VPS8: variants seen among roughly 807,000 people sequenced by gnomAD.
The protein encoded by VPS8 is VPS8 subunit of CORVET complex, also known as vacuolar protein sorting-associated protein 8 homolog.
A neutral mutation model predicts 216.4 loss-of-function variants in VPS8; 129 were observed. That is an observed-to-expected ratio of 0.60 (90% CI 0.52 to 0.69). The LOEUF (loss-of-function observed/expected upper bound fraction) is 0.69. Among genes scored for constraint, VPS8 ranks in the 30% least tolerant of loss-of-function variants. The pLI is 0.00. For missense variants in VPS8, 1,531 were observed against 1,683.5 expected (o/e 0.91, Z 1.59); for synonymous variants, 571 against 565.4 (o/e 1.01, Z -0.14).
chr3:184,885,772 T>C (rs766893388), intron 21 of VPS8, among the ~76,000 whole-genome samples: 7 of 152,258 alleles, frequency 4.6e-5, no homozygotes, highest in Non-Finnish European at 1.0e-4. Flanking sequence ...TTTTCCCATG[T>C]TGTTGAATGT....
chr3:184,832,725 C>G lies in VPS8; in HGVS notation c.259C>G (p.Pro87Ala), dbSNP rs1305461832. ...DEDESFILED[P>A]TLLNIDTIDS... ...AGATGAGTCTTTTATTCTTGAGGATCCTACATTGTTAAACATTGATACTAT... is the reference window on the plus strand; with the variant it reads ...AGATGAGTCTTTTATTCTTGAGGATGCTACATTGTTAAACATTGATACTAT... The change falls in exon 4 of 48, where the codon CCT becomes GCT. Residue 87 changes from proline to alanine, a missense_variant. By Grantham distance (27) the Pro-to-Ala change is conservative (BLOSUM62 -1). Transcript: ENST00000625842. 1 of 1,606,316 alleles carries G rather than the reference C, an allele frequency of 6.2e-7. No individual in the cohort carries two copies. The highest frequency in any genetic ancestry group is 1.3e-5 in the African/African-American group (1 of 74,798).
chr3:184,854,080 A>T, intron 12 of VPS8, 34 bp from the exon 13 acceptor site: 1 of 1,612,824 alleles, frequency 6.2e-7, no homozygotes. Flanking sequence ...GAAAATTCCA[A>T]GGTCAATATT....
intron 5 of VPS8, among the ~76,000 whole-genome samples, chr3:184,835,552 A>G (rs1185352229): frequency 6.6e-6 from 1 of 152,102 alleles, no homozygotes; most frequent in African/African-American, 2.4e-5. Context: ...GTAGTCTTTC[A>G]ATTTTGGTTT....
In VPS8 at chr3:185,017,911, T is replaced by C. The variant is rs1167717006; in HGVS notation, c.4003-6425T>C. Among the ~76,000 whole-genome samples the C allele has an allele frequency of 2.0e-5, 3 of 150,670 alleles. No homozygotes were observed. In the East Asian group the frequency reaches 5.8e-4, roughly 29 times the overall value. On this transcript the variant is annotated intron_variant, in intron 45 of 47. Coordinates refer to ENST00000625842, the MANE Select transcript of VPS8 (RefSeq NM_001009921.3). The stretch of plus-strand genomic sequence containing the variant: ...GAGTGACACTGATTAGCCCAGTGTT[T>C]TCCTTTTTTACATTTTGGACATATT...
intron 45 of VPS8, among the ~76,000 whole-genome samples, chr3:185,020,156 TA>T (rs1188762172): frequency 6.6e-6 from 1 of 152,122 alleles, no homozygotes; most frequent in Non-Finnish European, 1.5e-5. Context: ...TCTTAAAAAA[TA>T]ATTTTTAAAA....
intron 16 of VPS8, among the ~76,000 whole-genome samples, chr3:184,865,888 G>C (rs1727256069): frequency 6.6e-6 from 1 of 151,854 alleles, no homozygotes; most frequent in African/African-American, 2.4e-5. Flanking sequence ...CTCGGGAGGT[G>C]GAGGCAGGAG....
intron 4 of VPS8, among the ~76,000 whole-genome samples, chr3:184,833,520 A>AT (rs1720446062): frequency 6.6e-6 from 1 of 152,118 alleles, no homozygotes; most frequent in African/African-American, 2.4e-5. Context: ...CTTCAAATAG[A>AT]TAACTTAAAT....
chr3:184,943,999 G>A (rs1322792915), intron 36 of VPS8, among the ~76,000 whole-genome samples: 1 of 152,162 alleles, frequency 6.6e-6, no homozygotes, highest in African/African-American at 2.4e-5. Flanking sequence ...CTACTCAGGA[G>A]GCTGAGGCAG....
rs766114230 is a variant in VPS8, at chr3:184,824,585, CAAA to C, written c.-44_-42del. The C allele has an allele frequency of 5.1e-6, 8 of 1,568,924 alleles. No homozygotes were observed. The highest frequency in any genetic ancestry group is 6.9e-6 in the Non-Finnish European group (8 of 1,155,522). On this transcript the variant is annotated 5_prime_UTR_variant, in exon 2 of 48. Transcript: ENST00000625842. The stretch of plus-strand genomic sequence containing the variant: ...TCTTCGTGAGCTAAGGCCAAACAAA[CAAA>C]AAACACTTGCTTTGATGGACTGAAT...
intron 21 of VPS8, among the ~76,000 whole-genome samples, chr3:184,877,165 C>T (rs1424690414): frequency 6.6e-6 from 1 of 152,188 alleles, no homozygotes; most frequent in African/African-American, 2.4e-5. Context: ...GCTCAACTAG[C>T]TCTGTTTATT....
intron 45 of VPS8, among the ~76,000 whole-genome samples, chr3:185,002,668 G>A (rs921669722): frequency 2.6e-5 from 4 of 152,092 alleles, no homozygotes; most frequent in African/African-American, 9.7e-5. Flanking sequence ...GCATTCCATA[G>A]TTAAGCTCCC....
intron 39 of VPS8, 27 bp from the exon 40 acceptor site, chr3:184,971,622 T>C: frequency 6.4e-7 from 1 of 1,570,550 alleles, no homozygotes; most frequent in Non-Finnish European, 8.7e-7. Context: ...TATCCTTAAA[T>C]GATGTTTACA....
intron 40 of VPS8, among the ~76,000 whole-genome samples, chr3:184,981,994 T>C (rs1750284687): frequency 6.6e-6 from 1 of 152,160 alleles, no homozygotes. Flanking sequence ...TGGTTGATCA[T>C]GTTAACTGAT....
rs986448602 is a variant in VPS8 at position 184,933,494 on chromosome 3, C to G, written c.2899-2752C>G. ...AATATATATTGCAAATATCTTCTCCCATCTCCCATTCTGTGGCTTTTCCTT... is the reference window on the plus strand; with the variant it reads ...AATATATATTGCAAATATCTTCTCCGATCTCCCATTCTGTGGCTTTTCCTT... On this transcript the variant is annotated intron_variant, in intron 34 of 47. Transcript: ENST00000625842. Among the ~76,000 whole-genome samples, 3 of 151,818 alleles carry G rather than the reference C, an allele frequency of 2.0e-5. No homozygotes were observed. The South Asian group carries it at 6.3e-4, about 32-fold the overall frequency.
intron 22 of VPS8, chr3:184,893,184 G>T: frequency 1.9e-6 from 2 of 1,046,740 alleles, no homozygotes; most frequent in Non-Finnish European, 2.4e-6. Flanking sequence ...GGGTGGTGTG[G>T]AGTTCTGGTG....
chr3:184,871,264 A>C (rs761124075), intron 21 of VPS8, among the ~76,000 whole-genome samples: 1 of 151,120 alleles, frequency 6.6e-6, no homozygotes, highest in Non-Finnish European at 1.5e-5. Flanking sequence ...CCTTTAGTTT[A>C]TCTTGGAACT....
chr3:184,995,097 G>T (rs1244118089), intron 43 of VPS8, among the ~76,000 whole-genome samples: 1 of 152,172 alleles, frequency 6.6e-6, no homozygotes, highest in Non-Finnish European at 1.5e-5. Flanking sequence ...TTTGGGTGGG[G>T]ACACAGCCAA....
intron 40 of VPS8, among the ~76,000 whole-genome samples, chr3:184,976,306 C>T (rs1476121627): frequency 1.3e-5 from 2 of 151,914 alleles, no homozygotes; most frequent in African/African-American, 4.8e-5. Flanking sequence ...GTAGATCATA[C>T]CAGTCTTTTT....
intron 14 of VPS8, among the ~76,000 whole-genome samples, chr3:184,858,098 A>G (rs938776674): frequency 2.0e-5 from 3 of 152,218 alleles, no homozygotes; most frequent in African/African-American, 4.8e-5. Context: ...AAGAAAGCCC[A>G]GGTTGAATTG....
Sources: allele counts gnomAD v4.1 joint callset (sites outside exome capture counted in the v4.1 genomes callset), GRCh38; gene constraint gnomAD v4.1.1; transcripts MANE v1.5; gene names NCBI Gene and HGNC (gene_info 2026-07-23, HGNC 2026-07-21).